Variants in ARHGAP32 observed in about 807,000 individuals in gnomAD.
ARHGAP32 encodes the protein Rho GTPase activating protein 32.
Under a neutral mutation model 186.5 loss-of-function variants are expected in ARHGAP32, and 51 were observed. That is an observed-to-expected ratio of 0.27 (90% confidence interval 0.22 to 0.35). The LOEUF (loss-of-function observed/expected upper bound fraction) is 0.35. ARHGAP32 is among the 10% of genes least tolerant of loss of function. The pLI, the probability that ARHGAP32 is intolerant of heterozygous loss-of-function variation, is 1.00. For missense variants in ARHGAP32, 2,186 were observed against 2,623.5 expected, an observed-to-expected ratio of 0.83 and a Z score of 3.64; for synonymous variants, 950 against 964.3, an observed-to-expected ratio of 0.99 and a Z score of 0.27.
At chr11:129,143,521 C>A (rs1177256715) in intron 2 of ARHGAP32, among the ~76,000 whole-genome samples, 1 of 152,134 alleles carries the variant, frequency 6.6e-6, no homozygotes, top group East Asian at 1.9e-4. Flanking sequence ...TGTGGACTAC[C>A]CGCCGGTGAC....
At chr11:128,987,465 G>A (rs546670312) in intron 13 of ARHGAP32, among the ~76,000 whole-genome samples, 1 of 152,228 alleles carries the variant, frequency 6.6e-6, no homozygotes, top group Admixed American at 6.5e-5. Context: ...ACAGAATAAT[G>A]GCAGTTATCA....
In ARHGAP32 at chr11:128,970,406, G is replaced by A. The variant is rs746604429; in HGVS notation, c.4807C>T (p.Pro1603Ser). The A allele has an allele frequency of 6.2e-7, 1 of 1,614,186 alleles. No individual in the cohort carries two copies. The highest frequency in any genetic ancestry group is 1.1e-5 in the South Asian group (1 of 91,080). Residue 1603 changes from proline (P) to serine (S), a missense_variant, in exon 23 of 23, where the codon CCG (proline) becomes TCG (serine). By Grantham distance (74) the Pro-to-Ser change is moderately conservative (BLOSUM62 -1). Coordinates refer to ENST00000682385, the MANE Select transcript of ARHGAP32 (RefSeq NM_001378024.1). This position sits in a 1 kb window ranked among gnomAD's most constrained non-coding sequence, Gnocchi z 5.8. ...TIRRVQSLHA[P>S]PSSMIRSVPI... is the part of the protein sequence containing the mutation. Reference sequence around the variant, plus strand: ...ACAGAGCGAATCATGGAAGACGGCGGAGCATGGAGAGACTGCACTCTCCGG... The same window carrying A: ...ACAGAGCGAATCATGGAAGACGGCGAAGCATGGAGAGACTGCACTCTCCGG...
At chr11:128,986,133 A>T in intron 14 of ARHGAP32, 48 bp from the exon 15 acceptor site, 1 of 1,416,484 alleles carries the variant, frequency 7.1e-7, no homozygotes, top group East Asian at 2.4e-5. Flanking sequence ...TGTTAGTAAA[A>T]ATGAAAGTTC....
chr11:129,054,831 T>C (rs948924499), intron 10 of ARHGAP32, among the ~76,000 whole-genome samples: 3 of 152,172 alleles, frequency 2.0e-5, no homozygotes, highest in Admixed American at 1.3e-4. Flanking sequence ...ATTACTGTAG[T>C]TAATATAATT....
At chr11:129,036,429 C>G (rs1487474443) in intron 11 of ARHGAP32, among the ~76,000 whole-genome samples, 1 of 139,252 alleles carries the variant, frequency 7.2e-6, no homozygotes, top group Non-Finnish European at 1.5e-5. Flanking sequence ...TTGATTGATA[C>G]TAACACAGTT....
In ARHGAP32 at chr11:129,123,356, T is replaced by C. The variant is rs111765523; in HGVS notation, c.444+90A>G. The C allele has an allele frequency of 0.012, 13,015 of 1,051,642 alleles. 151 individuals are homozygous for C. The highest frequency in any genetic ancestry group is 0.034 in the South Asian group (2,099 of 61,424). The allele number at this position is 1,051,642 out of a possible 1,614,324, so 65.1% of individuals were successfully genotyped here. ...AAAAAAAAACTACTTCAAAGTGTCA[T>C]CTATTAGATACAGATATATAGATAA... On this transcript the variant is annotated intron_variant, in intron 5 of 22. Coordinates refer to ENST00000682385, the MANE Select transcript of ARHGAP32 (RefSeq NM_001378024.1). This position sits in a 1 kb window ranked among gnomAD's most constrained non-coding sequence, Gnocchi z 4.6.
intron 1 of ARHGAP32, among the ~76,000 whole-genome samples, chr11:129,190,671 A>G (rs1033472886): frequency 1.3e-5 from 2 of 152,234 alleles, no homozygotes; most frequent in African/African-American, 4.8e-5. Context: ...AACAACAATG[A>G]AATAAGTTCC....
intron 12 of ARHGAP32, among the ~76,000 whole-genome samples, chr11:128,994,358 TTG>T (rs567690554): frequency 2.7e-3 from 407 of 152,146 alleles, no homozygotes; most frequent in African/African-American, 9.3e-3. Flanking sequence ...TTTCACCATA[TTG>T]GGCAGGCTGG....
At chr11:129,083,876 T>C (rs1941300325) in intron 6 of ARHGAP32, among the ~76,000 whole-genome samples, 1 of 151,972 alleles carries the variant, frequency 6.6e-6, no homozygotes, top group African/African-American at 2.4e-5. Flanking sequence ...AAACCAAAAG[T>C]GAATTGCTTG....
At chr11:128,984,374 CAA>C (rs1008089613) in intron 15 of ARHGAP32, among the ~76,000 whole-genome samples, 4 of 130,236 alleles carry the variant, frequency 3.1e-5, no homozygotes, top group Non-Finnish European at 3.3e-5. Flanking sequence ...GACCCTGCCT[CAA>C]AAAAAAAAAG....
At chr11:129,180,232 G>T (rs909186842) in intron 1 of ARHGAP32, among the ~76,000 whole-genome samples, 5 of 152,082 alleles carry the variant, frequency 3.3e-5, no homozygotes, top group Non-Finnish European at 5.9e-5. Context: ...TCTCATAAAT[G>T]TTGTGCAACA....
At chr11:129,235,211 T>G (rs927873754) in intron 1 of ARHGAP32, among the ~76,000 whole-genome samples, 14 of 152,284 alleles carry the variant, frequency 9.2e-5, no homozygotes, top group Middle Eastern at 3.4e-3. Context: ...GCTACCAAGT[T>G]TGTGGTCACC....
chr11:129,050,443 C>A (rs576131929), intron 10 of ARHGAP32, among the ~76,000 whole-genome samples: 3 of 152,120 alleles, frequency 2.0e-5, no homozygotes, highest in Non-Finnish European at 4.4e-5. Context: ...TGGGCTCAAG[C>A]AATCCTCCTG....
chr11:129,086,019 A>AAC lies in ARHGAP32; in HGVS notation c.531+7601_531+7602insGT, dbSNP rs974819469. Among the ~76,000 whole-genome samples, 593 of 147,616 alleles carry AAC rather than the reference A, an allele frequency of 4.0e-3. 1 individual carries two copies. Among genetic ancestry groups the AAC allele is most frequent in the East Asian group, 9.0e-3 (46 of 5,122 alleles). On this transcript the variant is annotated intron_variant, in intron 6 of 22. Transcript: ENST00000682385. The stretch of plus-strand genomic sequence containing the variant: ...AAAAAAACAAACAAACAAACAAACA[A>AAC]AAAAAAAAAACAAAAAAAAGAAGCC...
At position 128,969,211 on chromosome 11, in the gene ARHGAP32, T is replaced by A; in HGVS notation, c.6002A>T (p.His2001Leu). 1 of 1,614,086 alleles carries A rather than the reference T, an allele frequency of 6.2e-7. No individual in the cohort carries two copies. The highest frequency in any genetic ancestry group is 1.1e-5 in the South Asian group (1 of 91,036). Residue 2001 changes from histidine (H) to leucine (L), a missense_variant, in exon 23 of 23, where the codon CAT (histidine) becomes CTT (leucine). Transcript: ENST00000682385. The surrounding 1 kb of genome is among the most constrained non-coding windows in gnomAD (Gnocchi z 4.8). Reference sequence around the variant, plus strand: ...CTGGGTATGATGGAGTTTGAGGCTATGACTCCTCTCTGGTTTAGGGGGTGG... The same window carrying A: ...CTGGGTATGATGGAGTTTGAGGCTAAGACTCCTCTCTGGTTTAGGGGGTGG... ...IVPPPKPERS[H>L]SLKLHHTQNV...
chr11:129,203,818 A>G (rs12224012), intron 1 of ARHGAP32, among the ~76,000 whole-genome samples: 2 of 149,874 alleles, frequency 1.3e-5, no homozygotes, highest in East Asian at 3.9e-4. Context: ...GAGAGGCTTG[A>G]GCCCAGGAGT....
chr11:129,098,603 T>C (rs879815204), intron 5 of ARHGAP32, among the ~76,000 whole-genome samples: 11 of 152,006 alleles, frequency 7.2e-5, no homozygotes, highest in Non-Finnish European at 1.2e-4. Flanking sequence ...GTATTTTTAG[T>C]AGAGACGGGG....
chr11:129,223,918 T>C (rs1278530022), intron 1 of ARHGAP32, among the ~76,000 whole-genome samples: 1 of 152,192 alleles, frequency 6.6e-6, no homozygotes, highest in Non-Finnish European at 1.5e-5. Flanking sequence ...TTGGGACTAC[T>C]TGAAGTAAAT....
intron 6 of ARHGAP32, among the ~76,000 whole-genome samples, chr11:129,081,615 C>T (rs956478642): frequency 1.3e-5 from 2 of 151,138 alleles, no homozygotes; most frequent in Non-Finnish European, 3.0e-5. Flanking sequence ...CCTTATAAAA[C>T]TCATCTATGA....
Sources: allele counts gnomAD v4.1 joint callset (sites outside exome capture counted in the v4.1 genomes callset), GRCh38; gene constraint gnomAD v4.1.1; non-coding constraint Gnocchi (gnomAD v3.1); transcripts MANE v1.5; gene names NCBI Gene and HGNC (gene_info 2026-07-23, HGNC 2026-07-21).